LARGE1: variants seen among roughly 807,000 people sequenced by gnomAD.
The protein encoded by LARGE1 is xylosyl- and glucuronyltransferase LARGE1.
Under a neutral mutation model 87.6 loss-of-function variants are expected in LARGE1, and 43 were observed. The ratio of observed to expected loss-of-function variants is 0.49; its 90% CI spans 0.38 to 0.63. The LOEUF is 0.63. LARGE1 is among the 30% of genes least tolerant of loss of function. The pLI, the probability that LARGE1 is intolerant of heterozygous loss-of-function variation, is 0.00. For missense variants in LARGE1, 802 were observed against 1,000.2 expected (o/e 0.80, Z 2.67); for synonymous variants, 434 against 394.6 (o/e 1.10, Z -1.18).
At chr22:33,410,798 C>T (rs79260959) in intron 7 of LARGE1, among the ~76,000 whole-genome samples, 2,124 of 152,182 alleles carry the variant, frequency 0.014, 52 homozygotes, top group African/African-American at 0.047. Context: ...ACTGGCTCTG[C>T]TAACTTGCAA....
At chr22:33,519,227 T>C (rs1334485306) in intron 6 of LARGE1, among the ~76,000 whole-genome samples, 10 of 136,228 alleles carry the variant, frequency 7.3e-5, no homozygotes, top group Admixed American at 4.6e-4. Flanking sequence ...GCTGCGTGCG[T>C]GCGCGCGCGT....
At chr22:33,783,475 G>C (rs570508768) in intron 1 of LARGE1, among the ~76,000 whole-genome samples, 2 of 152,272 alleles carry the variant, frequency 1.3e-5, no homozygotes, top group South Asian at 4.1e-4. Context: ...TGTGGCAGGA[G>C]AATCGCTTGA....
At chr22:33,622,101 T>C (rs1859315686) in intron 4 of LARGE1, among the ~76,000 whole-genome samples, 1 of 152,126 alleles carries the variant, frequency 6.6e-6, no homozygotes, top group Non-Finnish European at 1.5e-5. Flanking sequence ...CTGGAGGTTG[T>C]TAGGGAAAGG....
intron 5 of LARGE1, among the ~76,000 whole-genome samples, chr22:33,601,267 G>T (rs919030718): frequency 6.6e-6 from 1 of 152,190 alleles, no homozygotes; most frequent in African/African-American, 2.4e-5. Context: ...ACTTGCCATT[G>T]TGCTGGGGAA....
At chr22:33,534,900 G>T (rs925179482) in intron 6 of LARGE1, among the ~76,000 whole-genome samples, 3 of 152,204 alleles carry the variant, frequency 2.0e-5, no homozygotes, top group Admixed American at 1.3e-4. Context: ...GAAATGCAGA[G>T]TCCCATCCCC....
chr22:33,464,290 A>G (rs575059948), intron 6 of LARGE1, among the ~76,000 whole-genome samples: 1 of 152,324 alleles, frequency 6.6e-6, no homozygotes, highest in South Asian at 2.1e-4. Flanking sequence ...TTAGAATACA[A>G]TAAGAAGAGT....
At chr22:33,636,807 C>T (rs1423763843) in intron 3 of LARGE1, among the ~76,000 whole-genome samples, 1 of 152,104 alleles carries the variant, frequency 6.6e-6, no homozygotes, top group East Asian at 1.9e-4. Flanking sequence ...GCTGGGATTA[C>T]AGGCATGAGC....
chr22:33,846,695 T>C (rs2063441375), intron 1 of LARGE1, among the ~76,000 whole-genome samples: 2 of 152,186 alleles, frequency 1.3e-5, no homozygotes, highest in South Asian at 2.1e-4. Flanking sequence ...GGGGTATAGG[T>C]CTATAAACGG....
chr22:33,765,038 T>C (rs1189894802), intron 1 of LARGE1, among the ~76,000 whole-genome samples: 1 of 152,198 alleles, frequency 6.6e-6, no homozygotes, highest in African/African-American at 2.4e-5. Context: ...TCAAGGCAAC[T>C]AGCAGTAAGT....
At position 33,761,375 on chromosome 22, in the gene LARGE1, G is replaced by A. The variant is rs909034423; in HGVS notation, c.102C>T (p.Phe34=). 4.3e-6 allele frequency: 7 copies of A among 1,612,356 alleles called. No individual in the cohort carries two copies. Among genetic ancestry groups the A allele is most frequent in the African/African-American group, 4.0e-5 (3 of 74,622 alleles). The part of the protein sequence containing the change: ...ITWIYLFSGS[F]EDGKPVSLSP... ...CACTTTGGCTTCCATTCTTACCTTC[G>A]AAGCTCCCAGAAAACAGGTAAATCC... Residue 34 remains phenylalanine (F), a synonymous_variant, in exon 2 of 15, where the codon TTC becomes TTT. Transcript: ENST00000397394.
exon 12 of LARGE1, chr22:33,165,175 A>C (rs940521853): frequency 6.6e-6 from 1 of 152,182 alleles, no homozygotes; most frequent in Non-Finnish European, 1.5e-5. Context: ...AAAAGAATAG[A>C]TGCTTTGATT....
At chr22:33,448,455 C>T (rs1054920074) in intron 6 of LARGE1, among the ~76,000 whole-genome samples, 5 of 152,116 alleles carry the variant, frequency 3.3e-5, no homozygotes, top group East Asian at 1.9e-4. Context: ...TGGTATATGT[C>T]GGTAATATTC....
intron 11 of LARGE1, among the ~76,000 whole-genome samples, chr22:33,229,399 A>G (rs867823843): frequency 2.0e-5 from 3 of 152,274 alleles, no homozygotes; most frequent in Middle Eastern, 3.4e-3. Flanking sequence ...ATATAATTAG[A>G]GACAAAAAGA....
At chr22:33,143,054 A>G in the LARGE1 span, among the ~76,000 whole-genome samples, 1 of 152,188 alleles carries the variant, frequency 6.6e-6, no homozygotes, top group Non-Finnish European at 1.5e-5. Flanking sequence ...TCAGCCTATG[A>G]AATTATGGAT....
chr22:33,086,426 C>A, the LARGE1 span, among the ~76,000 whole-genome samples: 1 of 151,938 alleles, frequency 6.6e-6, no homozygotes, highest in Non-Finnish European at 1.5e-5. Context: ...ATTCTCAACT[C>A]ATTTAAAGCT....
At chr22:33,206,033 C>A (rs1924663738) in intron 11 of LARGE1, among the ~76,000 whole-genome samples, 1 of 148,450 alleles carries the variant, frequency 6.7e-6, no homozygotes, top group East Asian at 2.0e-4. Context: ...CTGCTCACTG[C>A]AAGCTCCGCC....
At chr22:33,188,871 G>A (rs1008093175) in intron 11 of LARGE1, among the ~76,000 whole-genome samples, 3 of 152,028 alleles carry the variant, frequency 2.0e-5, no homozygotes, top group African/African-American at 7.2e-5. Flanking sequence ...GAGGTTGTGG[G>A]ACAAGGGCAT....
At chr22:33,385,527 CAAAAAAAAAA>C (rs75780176) in intron 7 of LARGE1, among the ~76,000 whole-genome samples, 2,428 of 19,368 alleles carry the variant, frequency 0.13, 114 homozygotes, top group Middle Eastern at 0.23. Flanking sequence ...GACACCGTCT[CAAAAAAAAAA>C]AAAAAAAAAA....
intron 1 of LARGE1, among the ~76,000 whole-genome samples, chr22:33,779,096 A>G (rs2085338394): frequency 6.6e-6 from 1 of 152,070 alleles, no homozygotes; most frequent in Non-Finnish European, 1.5e-5. Flanking sequence ...GCGCGTAAGT[A>G]CTTGTTTGAG....
Sources: allele counts gnomAD v4.1 joint callset (sites outside exome capture counted in the v4.1 genomes callset), GRCh38; gene constraint gnomAD v4.1.1; transcripts MANE v1.5; gene names NCBI Gene and HGNC (gene_info 2026-07-23, HGNC 2026-07-21).